The following PCDHGB1 variants were observed in gnomAD, a reference collection of about 807,000 sequenced individuals.
The protein encoded by PCDHGB1 is protocadherin gamma-B1.
In PCDHGB1, 34 loss-of-function variants were observed where a neutral mutation model predicts 56.6. The observed-to-expected ratio is 0.60, with a 90% CI of 0.46 to 0.80. The LOEUF is 0.80. Ranked by LOEUF, PCDHGB1 falls within the 30% of genes least tolerant of loss-of-function variation. The pLI is 0.00. For missense variants in PCDHGB1, 1,278 were observed against 1,204.6 expected (o/e 1.06, Z -0.90); for synonymous variants, 561 against 505.9 (o/e 1.11, Z -1.46).
rs1266310917 is a variant in PCDHGB1 at position 141,486,868 on chromosome 5, G to A, written c.2410-7939G>A. 2 of 1,614,104 alleles carry A rather than the reference G, an allele frequency of 1.2e-6. No homozygotes were observed. Among genetic ancestry groups the A allele is most frequent in the Non-Finnish European group, 1.7e-6 (2 of 1,180,056 alleles). ...ACCTCAATGACAATGCTCCAGCTGT[G>A]CTCCGTCCTCGGGCCCGGCCTGGTT... On this transcript the variant is annotated intron_variant, in intron 1 of 3. Transcript: ENST00000523390. The surrounding 1 kb of genome is among the most constrained non-coding windows in gnomAD (Gnocchi z 5.0).
chr5:141,435,444 A>G (rs1471113812), intron 1 of PCDHGB1, among the ~76,000 whole-genome samples: 1 of 152,216 alleles, frequency 6.6e-6, no homozygotes, highest in East Asian at 1.9e-4. Flanking sequence ...TTTCATTAAT[A>G]CGATATCTGT....
chr5:141,428,057 G>C (rs766786963), intron 1 of PCDHGB1: 2 of 1,609,044 alleles, frequency 1.2e-6, no homozygotes, highest in East Asian at 2.2e-5. Flanking sequence ...AGGTGGTGGC[G>C]GTGGACGCAG....
At position 141,432,003 on chromosome 5, in the gene PCDHGB1, T is replaced by A; in HGVS notation, c.2410-62804T>A. On this transcript the variant is annotated intron_variant, in intron 1 of 3. Coordinates refer to ENST00000523390, the MANE Select transcript of PCDHGB1 (RefSeq NM_018922.3). This position sits in a 1 kb window ranked among gnomAD's most constrained non-coding sequence, Gnocchi z 6.0. ...GACATAGTCTTGGATAGGGAACAGG[T>A]TCCTAGCTACAACATCACAGTGACC... The A allele has an allele frequency of 6.2e-7, 1 of 1,614,116 alleles. No individual in the cohort carries two copies.
At chr5:141,470,173 A>G (rs527296791) in intron 1 of PCDHGB1, among the ~76,000 whole-genome samples, 1 of 152,342 alleles carries the variant, frequency 6.6e-6, no homozygotes, top group South Asian at 2.1e-4. Context: ...AAGTATGCAA[A>G]ATATTCAAGT....
chr5:141,397,379 T>C (rs1470838357), intron 1 of PCDHGB1, among the ~76,000 whole-genome samples: 1 of 152,206 alleles, frequency 6.6e-6, no homozygotes, highest in East Asian at 1.9e-4. Context: ...TGGGGATTGG[T>C]ATAAAATTGC....
At chr5:141,377,878 G>A (rs568106041) in intron 1 of PCDHGB1, 1 of 152,254 alleles carries the variant, frequency 6.6e-6, no homozygotes, top group East Asian at 1.9e-4. Flanking sequence ...TCTCTTATCA[G>A]AGATAGGATC....
At chr5:141,362,100 C>T (rs1266729746) in intron 1 of PCDHGB1, 26 of 1,613,752 alleles carry the variant, frequency 1.6e-5, no homozygotes, top group Non-Finnish European at 1.9e-5. Context: ...CGCCACTCTC[C>T]GCTACGGCCA....
chr5:141,450,150 G>T (rs1314865325), intron 1 of PCDHGB1, among the ~76,000 whole-genome samples: 1 of 150,342 alleles, frequency 6.7e-6, no homozygotes, highest in Non-Finnish European at 1.5e-5. Flanking sequence ...GGGACTACAG[G>T]CATGTGCCAC....
At chr5:141,484,102 A>T (rs1404220648) in intron 1 of PCDHGB1, among the ~76,000 whole-genome samples, 1 of 152,206 alleles carries the variant, frequency 6.6e-6, no homozygotes, top group African/African-American at 2.4e-5. Flanking sequence ...GTTGGTAATT[A>T]ACAAAAGATC....
chr5:141,477,211 C>G lies in PCDHGB1; in HGVS notation c.2410-17596C>G. 2 of 1,614,154 alleles carry G rather than the reference C, an allele frequency of 1.2e-6. No individual in the cohort carries two copies. Among genetic ancestry groups the G allele is most frequent in the Non-Finnish European group, 1.7e-6 (2 of 1,180,036 alleles). On this transcript the variant is annotated intron_variant, in intron 1 of 3. Transcript: ENST00000523390. The surrounding 1 kb of genome is among the most constrained non-coding windows in gnomAD (Gnocchi z 4.9). ...TGTACAGCCCAGTACCCGAGGATGC[C>G]CCTCTGGGGACTGTCATCGCTTTGC...
At chr5:141,403,836 A>G (rs370798833) in intron 1 of PCDHGB1, 8 of 1,613,670 alleles carry the variant, frequency 5.0e-6, no homozygotes, top group African/African-American at 1.3e-5. Context: ...TTCCAGCTTA[A>G]TGAAAATACT....
At chr5:141,403,214 G>A in intron 1 of PCDHGB1, 5 of 1,613,990 alleles carry the variant, frequency 3.1e-6, no homozygotes, top group Non-Finnish European at 4.2e-6. Context: ...GGTCACCGCG[G>A]GTAGGATAGA....
chr5:141,491,500 G>A lies in PCDHGB1; in HGVS notation c.2410-3307G>A. ...CAGCCCCAACCTGCAGGTGAGCTCG[G>A]ACGGCACGCTCAAGTACATGGAGGT... On this transcript the variant is annotated intron_variant, in intron 1 of 3. Transcript: ENST00000523390. The surrounding 1 kb of genome is among the most constrained non-coding windows in gnomAD (Gnocchi z 6.9). 3 of 1,614,102 alleles carry A rather than the reference G, an allele frequency of 1.9e-6. No homozygotes were observed. The highest frequency in any genetic ancestry group is 2.7e-5 in the African/African-American group (2 of 75,066).
intron 1 of PCDHGB1, among the ~76,000 whole-genome samples, chr5:141,450,894 G>A (rs919860611): frequency 2.7e-5 from 4 of 148,956 alleles, no homozygotes; most frequent in Admixed American, 1.3e-4. Context: ...GTGCGATATC[G>A]GCTCACTGCA....
chr5:141,483,166 A>G (rs1288499520), intron 1 of PCDHGB1, among the ~76,000 whole-genome samples: 1 of 152,138 alleles, frequency 6.6e-6, no homozygotes, highest in Non-Finnish European at 1.5e-5. Flanking sequence ...ATCCTGAGTT[A>G]CCTTTGGGCC....
rs554661873 is a variant in PCDHGB1, at chr5:141,487,723, T to C, written c.2410-7084T>C. ...GCCTCTCAGTAAGTGCCCATAGTGATGTCACCATTTTTGTAAGAGGTAACT... is the reference window on the plus strand; with the variant it reads ...GCCTCTCAGTAAGTGCCCATAGTGACGTCACCATTTTTGTAAGAGGTAACT... On this transcript the variant is annotated intron_variant, in intron 1 of 3. Transcript: ENST00000523390. The surrounding 1 kb of genome is among the most constrained non-coding windows in gnomAD (Gnocchi z 5.0). The C allele has an allele frequency of 2.6e-5, 41 of 1,574,932 alleles. No homozygotes were observed. Among genetic ancestry groups the C allele is most frequent in the Non-Finnish European group, 5.2e-6 (6 of 1,158,382 alleles).
At chr5:141,387,707 C>A (rs1441500005) in intron 1 of PCDHGB1, 1 of 994,952 alleles carries the variant, frequency 1.0e-6, no homozygotes, top group Non-Finnish European at 1.5e-6. Flanking sequence ...CAGGGCAGCC[C>A]CAGCTCAGAC....
Position 141,439,440 on chromosome 5 carries a change from A to T in PCDHGB1, c.2410-55367A>T, listed in dbSNP as rs147662506. 1.4e-3 allele frequency among the ~76,000 whole-genome samples: 212 copies of T among 152,330 alleles called. 1 individual carries two copies. The highest frequency in any genetic ancestry group is 4.8e-3 in the African/African-American group (198 of 41,576). On this transcript the variant is annotated intron_variant, in intron 1 of 3. Transcript: ENST00000523390. Reference sequence around the variant, plus strand: ...GGTTATAAATTCCCAGGAATATTTTATTGCGGGAGCAAGACTGCACTGCTG... The same window carrying T: ...GGTTATAAATTCCCAGGAATATTTTTTTGCGGGAGCAAGACTGCACTGCTG...
In PCDHGB1 at chr5:141,477,551, C is replaced by T. The variant is rs372055994; in HGVS notation, c.2410-17256C>T. ...CCTCCCCGGGGCTCCAATACTAAAC[C>T]TAAGTGTCTGGGACCCCGACGCCCC... On this transcript the variant is annotated intron_variant, in intron 1 of 3. Coordinates refer to ENST00000523390, the MANE Select transcript of PCDHGB1 (RefSeq NM_018922.3). The surrounding 1 kb of genome is among the most constrained non-coding windows in gnomAD (Gnocchi z 4.9). The T allele has an allele frequency of 8.1e-6, 13 of 1,614,060 alleles. No homozygotes were observed. Among genetic ancestry groups the T allele is most frequent in the Non-Finnish European group, 1.0e-5 (12 of 1,180,042 alleles).
Sources: gnomAD v4.1 joint callset for allele counts (sites outside exome capture counted in the v4.1 genomes callset) on GRCh38, gnomAD v4.1.1 for gene constraint, Gnocchi (gnomAD v3.1) non-coding constraint, MANE v1.5 for transcripts, NCBI Gene and HGNC (gene_info 2026-07-23, HGNC 2026-07-21) for gene names.